KAZN: variants seen among roughly 807,000 people sequenced by gnomAD.
KAZN encodes the protein kazrin.
In KAZN, 40 loss-of-function variants were observed where a neutral mutation model predicts 87.4. The ratio of observed to expected loss-of-function variants is 0.46; its 90% confidence interval spans 0.36 to 0.60. KAZN has a LOEUF of 0.60. Ranked by LOEUF, KAZN falls within the 20% of genes least tolerant of loss-of-function variation. KAZN has a pLI of 0.00. For synonymous variants in KAZN, 466 were observed against 458.3 expected (o/e 1.02, Z -0.22); for missense variants, 898 against 1,073.9 (o/e 0.84, Z 2.29).
chr1:14,792,143 C>T lies in KAZN; in HGVS notation c.227-168541C>T, dbSNP rs958710008. Among the ~76,000 whole-genome samples the T allele has an allele frequency of 5.4e-4, 82 of 152,270 alleles. 1 individual carries two copies. The highest frequency in any genetic ancestry group is 6.5e-5 in the Admixed American group (1 of 15,298). On this transcript the variant is annotated intron_variant, in intron 1 of 14. Transcript: ENST00000376030. ...CCACCTGGTAGAAAAGTAGACCATCCGAAAGGTGGCCATTTATTCATTCAT... is the reference window on the plus strand; with the variant it reads ...CCACCTGGTAGAAAAGTAGACCATCTGAAAGGTGGCCATTTATTCATTCAT...
intron 1 of KAZN, among the ~76,000 whole-genome samples, chr1:13,938,556 C>A (rs1035518030): frequency 9.2e-5 from 14 of 152,182 alleles, no homozygotes; most frequent in African/African-American, 3.4e-4. Context: ...GCTAGGGCTT[C>A]CAGTTCAAAT....
At chr1:14,668,509 G>A (rs1432826170) in intron 1 of KAZN, among the ~76,000 whole-genome samples, 2 of 152,096 alleles carry the variant, frequency 1.3e-5, no homozygotes, top group Non-Finnish European at 2.9e-5. Flanking sequence ...ACTTGAAAAA[G>A]GGTCGATTTT....
At chr1:15,031,663 G>A (rs895340288) in intron 2 of KAZN, among the ~76,000 whole-genome samples, 1 of 152,116 alleles carries the variant, frequency 6.6e-6, no homozygotes. Context: ...GGGTGCAGTG[G>A]CATGAACATG....
At chr1:14,195,803 C>A (rs557378170) in intron 2 of KAZN, among the ~76,000 whole-genome samples, 1 of 152,110 alleles carries the variant, frequency 6.6e-6, no homozygotes, top group African/African-American at 2.4e-5. Context: ...ATAGTTAAGG[C>A]ACTAGGAAAT....
chr1:15,057,693 C>T (rs1378264393), intron 5 of KAZN, among the ~76,000 whole-genome samples: 1 of 152,224 alleles, frequency 6.6e-6, no homozygotes, highest in African/African-American at 2.4e-5. Flanking sequence ...GCATCCTCGT[C>T]AGGCAGGGAA....
In KAZN at chr1:14,856,479, G is replaced by A. The variant is rs1650123179; in HGVS notation, c.227-104205G>A. Among the ~76,000 whole-genome samples the A allele has an allele frequency of 6.6e-6, 1 of 152,152 alleles. No individual in the cohort carries two copies. The highest frequency in any genetic ancestry group is 2.1e-4 in the South Asian group (1 of 4,830). Reference sequence around the variant, plus strand: ...AATTAATATATACATAAGCGCATCTGCTCTAAACACTTTTTTCCCTTTCAA... The same window carrying A: ...AATTAATATATACATAAGCGCATCTACTCTAAACACTTTTTTCCCTTTCAA... On this transcript the variant is annotated intron_variant, in intron 1 of 14. Transcript: ENST00000376030. The surrounding 1 kb of genome is among the most constrained non-coding windows in gnomAD (Gnocchi z 5.2).
intron 1 of KAZN, among the ~76,000 whole-genome samples, chr1:13,943,874 A>G (rs371699110): frequency 6.6e-6 from 1 of 152,258 alleles, no homozygotes; most frequent in African/African-American, 2.4e-5. Context: ...CAATAAATAG[A>G]AAATAACAAA....
chr1:14,415,550 T>C (rs1045556811), intron 2 of KAZN, among the ~76,000 whole-genome samples: 1 of 152,188 alleles, frequency 6.6e-6, no homozygotes, highest in Non-Finnish European at 1.5e-5. Flanking sequence ...CTGAAGTCTG[T>C]GCTGCCCCCA....
At chr1:13,940,770 A>T (rs893749143) in intron 1 of KAZN, among the ~76,000 whole-genome samples, 1 of 152,204 alleles carries the variant, frequency 6.6e-6, no homozygotes, top group African/African-American at 2.4e-5. Flanking sequence ...TTACTGGGAC[A>T]TTGCTTGGGT....
intron 2 of KAZN, among the ~76,000 whole-genome samples, chr1:14,239,314 G>A (rs573949547): frequency 4.2e-4 from 64 of 152,132 alleles, no homozygotes; most frequent in Admixed American, 7.2e-4. Flanking sequence ...GCTGGTTTAC[G>A]TGGCATCATT....
intron 2 of KAZN, among the ~76,000 whole-genome samples, chr1:14,981,167 G>A (rs978510660): frequency 2.6e-5 from 4 of 152,186 alleles, no homozygotes; most frequent in Admixed American, 6.5e-5. Context: ...CAGCCTTGCC[G>A]GGAAAGTGGT....
intron 2 of KAZN, among the ~76,000 whole-genome samples, chr1:15,006,563 T>A (rs924575056): frequency 6.2e-4 from 94 of 152,344 alleles, no homozygotes; most frequent in African/African-American, 2.2e-3. Flanking sequence ...CAATCACTCA[T>A]TCATGCCGCA....
At chr1:13,910,471 G>A (rs191969030) in intron 1 of KAZN, among the ~76,000 whole-genome samples, 11 of 151,696 alleles carry the variant, frequency 7.3e-5, no homozygotes, top group South Asian at 2.1e-4. Context: ...TCATACCACC[G>A]CACTCCAGCC....
At chr1:14,358,776 G>A (rs569199731) in intron 2 of KAZN, among the ~76,000 whole-genome samples, 41 of 152,006 alleles carry the variant, frequency 2.7e-4, no homozygotes, top group Admixed American at 8.5e-4. Context: ...TGATAGCATC[G>A]TGGTCTGAGA....
rs147186461 is a variant in KAZN, at chr1:14,648,183, G to A, written c.226+48960G>A. Reference sequence around the variant, plus strand: ...GAATGATCACATTTATGTAAAGATCGCAACCAAGAAATTGCACACAAAATT... The same window carrying A: ...GAATGATCACATTTATGTAAAGATCACAACCAAGAAATTGCACACAAAATT... On this transcript the variant is annotated intron_variant, in intron 1 of 14. Transcript: ENST00000376030. Among the ~76,000 whole-genome samples the A allele has an allele frequency of 4.2e-3, 634 of 152,300 alleles. 15 individuals are homozygous for A. Among genetic ancestry groups the A allele is most frequent in the East Asian group, 0.041 (214 of 5,176 alleles).
chr1:14,662,357 A>G lies in KAZN; in HGVS notation c.226+63134A>G, dbSNP rs144769517. ...CATAGGCCAGGGTGGTTTACTTGAT[A>G]CTAAGCCCCAAGAGTGGGCAGAGAC... On this transcript the variant is annotated intron_variant, in intron 1 of 14. Transcript: ENST00000376030. Among the ~76,000 whole-genome samples the G allele has an allele frequency of 1.7e-3, 257 of 152,230 alleles. 4 individuals carry two copies. In the South Asian group the frequency reaches 0.023, roughly 14 times the overall value.
intron 2 of KAZN, among the ~76,000 whole-genome samples, chr1:14,215,955 T>C (rs367555580): frequency 2.2e-4 from 33 of 152,214 alleles, no homozygotes; most frequent in East Asian, 1.5e-3. Context: ...TATATTTCAA[T>C]TTGTATTACT....
chr1:14,537,822 G>C (rs898262148), intron 2 of KAZN, among the ~76,000 whole-genome samples: 37 of 152,210 alleles, frequency 2.4e-4, no homozygotes, highest in African/African-American at 8.7e-4. Context: ...GAGCAATAGA[G>C]GGAAGATGAG....
chr1:14,177,073 A>G (rs1334700254), intron 1 of KAZN, among the ~76,000 whole-genome samples: 1 of 152,058 alleles, frequency 6.6e-6, no homozygotes, highest in East Asian at 1.9e-4. Flanking sequence ...TAGAAGAATC[A>G]CTTGGACCTA....
Sources: gnomAD v4.1 joint callset for allele counts (sites outside exome capture counted in the v4.1 genomes callset) on GRCh38, gnomAD v4.1.1 for gene constraint, Gnocchi (gnomAD v3.1) non-coding constraint, MANE v1.5 for transcripts, NCBI Gene and HGNC (gene_info 2026-07-23, HGNC 2026-07-21) for gene names.